TTN: variants seen among roughly 807,000 people sequenced by gnomAD.
TTN encodes connectin.
In TTN, 1,525 loss-of-function variants were observed where a neutral mutation model predicts 3,223.0. That is an observed-to-expected ratio of 0.47 (90% CI 0.45 to 0.49). TTN has a LOEUF of 0.49. TTN is among the 20% of genes least tolerant of loss of function. The probability of loss-of-function intolerance (pLI) is 0.00; values close to 1 mark genes in which losing one functional copy is unlikely to be tolerated. For missense variants in TTN, 40,786 were observed against 43,424.0 expected (o/e 0.94, Z 5.40); for synonymous variants, 14,094 against 15,161.0 (o/e 0.93, Z 5.17).
At position 178,739,388 on chromosome 2, in the gene TTN, A is replaced by G; in HGVS notation, c.13845T>C (p.Thr4615=). ...GPMIHTPLVD[T]VSEEGDIVHL... is the part of the protein sequence containing the mutation. ...GTACAATATCACCTTCCTCAGAAAC[A>G]GTGTCCACTAAAGGTGTATGTATCA... is the stretch of plus-strand genomic sequence containing the variant. The change falls in exon 48 of 363, where the codon ACT becomes ACC. Residue 4615 remains threonine (T), a synonymous_variant. Coordinates refer to ENST00000589042, the MANE Select transcript of TTN (RefSeq NM_001267550.2). 6.2e-7 allele frequency: 1 copy of G among 1,613,894 alleles called. No individual in the cohort carries two copies. Among genetic ancestry groups the G allele is most frequent in the Non-Finnish European group, 8.5e-7 (1 of 1,179,832 alleles).
chr2:178,683,172 G>T, intron 134 of TTN, 39 bp downstream of exon 134: 2 of 1,379,078 alleles, frequency 1.5e-6, no homozygotes, highest in Non-Finnish European at 2.0e-6. Flanking sequence ...GAGCCAGATA[G>T]TTTCATGCCT....
chr2:178,585,367 AT>A lies in TTN; in HGVS notation c.64397-21del. 1.3e-6 allele frequency: 2 copies of A among 1,544,776 alleles called. No homozygotes were observed. Among genetic ancestry groups the A allele is most frequent in the Non-Finnish European group, 1.7e-6 (2 of 1,149,626 alleles). ...GTGGCACTGAAAGTAAAATGAAAAG[AT>A]ATTAATTTTGGGAAGGTGGATAAGT... On this transcript the variant is annotated intron_variant, in intron 308 of 362. Transcript: ENST00000589042.
Position 178,594,540 on chromosome 2 carries a change from G to C in TTN, c.57954C>G (p.Asn19318Lys), listed in dbSNP as rs756463146. Residue 19318 changes from asparagine to lysine, a missense_variant, in exon 296 of 363, where the codon AAC (asparagine) becomes AAG (lysine). Asn to Lys is a moderately conservative substitution (Grantham distance 94). Transcript: ENST00000589042. ...PKYDGGSEIINYVLESRLIGT... is the reference protein window; with the variant it reads ...PKYDGGSEIIKYVLESRLIGT... The stretch of plus-strand genomic sequence containing the variant: ...CAATGAGCCGACTTTCTAGGACATA[G>C]TTAATAATTTCTGACCCACCATCAT... 24 of 1,613,328 alleles carry C rather than the reference G, an allele frequency of 1.5e-5. No individual in the cohort carries two copies. The highest frequency in any genetic ancestry group is 1.9e-5 in the Non-Finnish European group (23 of 1,179,502).
rs2078909515 is a variant in TTN, at chr2:178,724,056, G to A, written c.21203C>T (p.Ala7068Val). 1 of 1,613,472 alleles carries A rather than the reference G, an allele frequency of 6.2e-7. No homozygotes were observed. Among genetic ancestry groups the A allele is most frequent in the Admixed American group, 1.7e-5 (1 of 59,954 alleles). ...GASCILECKV[A>V]GSSPISVAWF... ...GGCAACTGAAATAGGTGATGATCCA[G>A]CTACTTTGCATTCCAAGATGCAAGA... Residue 7068 changes from alanine (A) to valine (V), a missense_variant, in exon 73 of 363, where the codon GCT (alanine) becomes GTT (valine). Coordinates refer to ENST00000589042, the MANE Select transcript of TTN (RefSeq NM_001267550.2).
chr2:178,678,451 A>G lies in TTN; in HGVS notation c.33873T>C (p.Val11291=), dbSNP rs773080516. The change falls in exon 144 of 363, where the codon GTT becomes GTC. Residue 11291 remains valine, a synonymous_variant. Transcript: ENST00000589042. ...GAGCCTCCACTTTCTTAGGAGCAGGAACTGGCACCTTCTTCTCAGGCACAG... is the reference window on the plus strand; with the variant it reads ...GAGCCTCCACTTTCTTAGGAGCAGGGACTGGCACCTTCTTCTCAGGCACAG... ...KKPVPEKKVP[V]PAPKKVEAPP... 6.3e-7 allele frequency: 1 copy of G among 1,596,590 alleles called. No individual in the cohort carries two copies. The highest frequency in any genetic ancestry group is 1.1e-5 in the South Asian group (1 of 87,428).
intron 346 of TTN, 33 bp from the exon 347 acceptor site, chr2:178,543,695 A>G: frequency 6.5e-7 from 1 of 1,537,226 alleles, no homozygotes; most frequent in Non-Finnish European, 8.7e-7. Flanking sequence ...CATATTTCCT[A>G]TTTGCCTGAT....
chr2:178,722,858 A>C lies in TTN; in HGVS notation c.22041T>G (p.Ala7347=), dbSNP rs1578033328. 1 of 1,613,102 alleles carries C rather than the reference A, an allele frequency of 6.2e-7. No individual in the cohort carries two copies. The highest frequency in any genetic ancestry group is 8.5e-7 in the Non-Finnish European group (1 of 1,179,520). ...AAGACACTGTAATTTCTGGTGTCCC[A>C]GCAACTTGGCATTGTAAAGAAACCG... ...GDSVSLQCQV[A]GTPEITVSWY... The change falls in exon 76 of 363, where the codon GCT becomes GCG. Residue 7347 remains alanine (A), a synonymous_variant. Transcript: ENST00000589042.
chr2:178,650,129 C>A, intron 210 of TTN, 35 bp downstream of exon 210: 2 of 1,521,362 alleles, frequency 1.3e-6, no homozygotes, highest in Non-Finnish European at 1.8e-6. Flanking sequence ...AATGAAATGA[C>A]TGTATTTTCC....
chr2:178,682,722 A>G lies in TTN; in HGVS notation c.33069T>C (p.Tyr11023=). 1.2e-6 allele frequency: 2 copies of G among 1,612,424 alleles called. No individual in the cohort carries two copies. Among genetic ancestry groups the G allele is most frequent in the African/African-American group, 1.3e-5 (1 of 74,920 alleles). The change falls in exon 135 of 363, where the codon TAT becomes TAC. Residue 11023 remains tyrosine (Y), a synonymous_variant. Transcript: ENST00000589042. Reference sequence around the variant, plus strand: ...CTGTGATGTATTCTTCATGCTCTTCATATCGTTCATACTCCCGCTCCTCGT... The same window carrying G: ...CTGTGATGTATTCTTCATGCTCTTCGTATCGTTCATACTCCCGCTCCTCGT... ...EEYEEREYER[Y]EEHEEYITEP...
At chr2:178,630,488 CTT>C (rs2059670640) in intron 238 of TTN, 121 bp from the exon 239 acceptor site, 3 of 1,261,096 alleles carry the variant, frequency 2.4e-6, no homozygotes, top group Non-Finnish European at 3.3e-6. Context: ...CTTTATATAA[CTT>C]TGAGCTCTTT....
Position 178,566,798 on chromosome 2 carries a change from C to A in TTN, c.79334G>T (p.Arg26445Leu). Reference protein sequence around the residue: ...KCNKRRITDLRLRVTGLTEDH... With the variant: ...KCNKRRITDLLLRVTGLTEDH... ...TTCTGTTAATCCTGTCACTCTTAGA[C>A]GCAAATCTGTAATGCGGCGTTTATT... is the stretch of plus-strand genomic sequence containing the variant. Residue 26445 changes from arginine to leucine, a missense_variant, in exon 326 of 363, where the codon CGT (arginine) becomes CTT (leucine). Arg to Leu is a moderately radical substitution (Grantham distance 102). Coordinates refer to ENST00000589042, the MANE Select transcript of TTN (RefSeq NM_001267550.2). 6.2e-7 allele frequency: 1 copy of A among 1,613,346 alleles called. No individual in the cohort carries two copies. Among genetic ancestry groups the A allele is most frequent in the Non-Finnish European group, 8.5e-7 (1 of 1,179,672 alleles).
chr2:178,636,312 G>A lies in TTN; in HGVS notation c.41330-71C>T. 1 of 1,491,394 alleles carries A rather than the reference G, an allele frequency of 6.7e-7. No homozygotes were observed. Among genetic ancestry groups the A allele is most frequent in the Non-Finnish European group, 8.9e-7 (1 of 1,121,002 alleles). 92.4% of individuals were successfully genotyped at this position (1,491,394 alleles called of 1,614,324 possible). A position where few individuals can be genotyped will look rare whatever the true frequency, so the allele number is the denominator to read the frequency against. On this transcript the variant is annotated intron_variant, in intron 225 of 362. Coordinates refer to ENST00000589042, the MANE Select transcript of TTN (RefSeq NM_001267550.2). The surrounding 1 kb of genome is among the most constrained non-coding windows in gnomAD (Gnocchi z 4.3). ...ATGAAATAAAACTTGGAAATAAGAGGTTTTGTAAAACTACAATGCAAGTTG... is the reference window on the plus strand; with the variant it reads ...ATGAAATAAAACTTGGAAATAAGAGATTTTGTAAAACTACAATGCAAGTTG...
chr2:178,646,175 C>T (rs1479826414), intron 216 of TTN, 145 bp from the exon 217 acceptor site: 11 of 163,364 alleles, frequency 6.7e-5, no homozygotes, highest in South Asian at 5.3e-4. Flanking sequence ...TTTTAAGGTA[C>T]GTAATACCAG....
chr2:178,634,651 TG>T lies in TTN; in HGVS notation c.42152-23del. On this transcript the variant is annotated intron_variant, in intron 229 of 362. Coordinates refer to ENST00000589042, the MANE Select transcript of TTN (RefSeq NM_001267550.2). The surrounding 1 kb of genome is among the most constrained non-coding windows in gnomAD (Gnocchi z 4.6). Reference sequence around the variant, plus strand: ...ATTTCTGAAAATCAGACATTAAGAATGAGGCTTTTCAGAATGCACAGGGAAG... The same window carrying T: ...ATTTCTGAAAATCAGACATTAAGAATAGGCTTTTCAGAATGCACAGGGAAG... 1 of 1,612,542 alleles carries T rather than the reference TG, an allele frequency of 6.2e-7. No homozygotes were observed. The highest frequency in any genetic ancestry group is 8.5e-7 in the Non-Finnish European group (1 of 1,179,326).
intron 113 of TTN, among the ~76,000 whole-genome samples, chr2:178,696,566 A>G (rs1159239029): frequency 1.3e-5 from 2 of 152,010 alleles, no homozygotes; most frequent in East Asian, 1.9e-4. Flanking sequence ...CAGAACCCCT[A>G]GTTTCTTCCA....
intron 263 of TTN, 50 bp from the exon 264 acceptor site, chr2:178,613,326 A>C (rs767935697): frequency 4.4e-6 from 6 of 1,375,370 alleles, no homozygotes; most frequent in South Asian, 2.6e-5. Context: ...GAAGCAGAAG[A>C]AGCCTATGTT....
At chr2:178,631,816 A>G (rs752724751) in intron 236 of TTN, among the ~76,000 whole-genome samples, 55 of 152,128 alleles carry the variant, frequency 3.6e-4, no homozygotes, top group Non-Finnish European at 6.6e-4. Flanking sequence ...AAACTTGAAA[A>G]ACATTCCTCT....
At position 178,543,173 on chromosome 2, in the gene TTN, A is replaced by G; in HGVS notation, c.96800T>C (p.Leu32267Ser). ...PTVLEHTVTS[L>S]NEGEQYLFRI... ...AAATAAGTATTGTTCACCTTCATTTAAGGAAGTAACAGTGTGCTCTAGGAC... is the reference window on the plus strand; with the variant it reads ...AAATAAGTATTGTTCACCTTCATTTGAGGAAGTAACAGTGTGCTCTAGGAC... The change falls in exon 347 of 363, where the codon TTA becomes TCA. Residue 32267 changes from leucine (L) to serine (S), a missense_variant. Leu to Ser is a moderately radical substitution (Grantham distance 145, BLOSUM62 -2). Transcript: ENST00000589042. 1 of 1,613,270 alleles carries G rather than the reference A, an allele frequency of 6.2e-7. No individual in the cohort carries two copies. Among genetic ancestry groups the G allele is most frequent in the Non-Finnish European group, 8.5e-7 (1 of 1,179,594 alleles).
Position 178,804,562 on chromosome 2 carries a change from A to G in TTN, c.81T>C (p.Ala27=). ...AATGTGTGAGCTTACCACTAATGTG[A>G]GCCTCAAAGGTTGCGGTACTACCCT... ...VLEGSTATFE[A]HISGFPVPEV... The change falls in exon 2 of 363, where the codon GCT becomes GCC. Residue 27 remains alanine (A), a synonymous_variant. Transcript: ENST00000589042. 4 of 1,614,000 alleles carry G rather than the reference A, an allele frequency of 2.5e-6. No individual in the cohort carries two copies. Among genetic ancestry groups the G allele is most frequent in the Non-Finnish European group, 3.4e-6 (4 of 1,179,946 alleles).
Sources: gnomAD v4.1 joint callset for allele counts (sites outside exome capture counted in the v4.1 genomes callset) on GRCh38, gnomAD v4.1.1 for gene constraint, Gnocchi (gnomAD v3.1) non-coding constraint, MANE v1.5 for transcripts, NCBI Gene and HGNC (gene_info 2026-07-23, HGNC 2026-07-21) for gene names.